The following ACSS1 variants were observed in gnomAD, a reference collection of about 807,000 sequenced individuals.
ACSS1 encodes the protein acetyl-coenzyme A synthetase 2-like, mitochondrial.
ACSS1 carries 42 observed loss-of-function variants against 75.3 expected under a neutral mutation model. The observed-to-expected ratio is 0.56, with a 90% CI of 0.44 to 0.72. The LOEUF (loss-of-function observed/expected upper bound fraction) is 0.72. ACSS1 is among the 30% of genes least tolerant of loss of function. ACSS1 has a pLI of 0.00. For synonymous variants in ACSS1, 380 were observed against 376.8 expected (o/e 1.01, Z -0.10); for missense variants, 782 against 935.7 (o/e 0.84, Z 2.14).
intron 12 of ACSS1, 73 bp from the exon 13 acceptor site, chr20:25,009,461 GCA>G: frequency 8.3e-7 from 1 of 1,210,274 alleles, no homozygotes; most frequent in South Asian, 1.3e-5. Flanking sequence ...AGGGTGCTAT[GCA>G]CAGACTGCCA....
intron 2 of ACSS1, among the ~76,000 whole-genome samples, chr20:25,036,963 A>AAAG (rs1555853734): frequency 1.4e-5 from 2 of 146,372 alleles, no homozygotes; most frequent in African/African-American, 5.3e-5. Flanking sequence ...AAAAAAAAAA[A>AAAG]AAGAAGAAGA....
intron 2 of ACSS1, among the ~76,000 whole-genome samples, chr20:25,047,050 T>C (rs1317618427): frequency 1.3e-5 from 2 of 152,172 alleles, no homozygotes; most frequent in Non-Finnish European, 2.9e-5. Flanking sequence ...TCCACTAGCA[T>C]CACTCGTCTG....
intron 6 of ACSS1, 124 bp from the exon 7 acceptor site, chr20:25,020,271 G>C: frequency 7.3e-7 from 1 of 1,378,012 alleles, no homozygotes. Flanking sequence ...ATATGAAAGG[G>C]ATCCCCCCAA....
In ACSS1 at chr20:25,013,643, C is replaced by T; in HGVS notation, c.1472G>A (p.Ser491Asn). The part of the protein sequence containing the change: ...MDEKGSVVEG[S>N]NVSGALCISQ... ...GATGCACAGGGCCCCGGAGACGTTG[C>T]TGCCCTCCACGACGCTGCCCTGTAG... Residue 491 changes from serine to asparagine, a missense_variant, in exon 10 of 14, where the codon AGC (serine) becomes AAC (asparagine). By Grantham distance (46) the Ser-to-Asn change is conservative. Transcript: ENST00000323482. 1 of 1,604,388 alleles carries T rather than the reference C, an allele frequency of 6.2e-7. No homozygotes were observed. The highest frequency in any genetic ancestry group is 8.5e-7 in the Non-Finnish European group (1 of 1,175,304).
intron 1 of ACSS1, among the ~76,000 whole-genome samples, chr20:25,056,732 A>G (rs1423254159): frequency 6.6e-6 from 1 of 152,130 alleles, no homozygotes; most frequent in Non-Finnish European, 1.5e-5. Context: ...ACCCTGCCAT[A>G]AAGACCCGCA....
At chr20:25,051,205 T>C (rs970594793) in intron 1 of ACSS1, among the ~76,000 whole-genome samples, 1 of 152,206 alleles carries the variant, frequency 6.6e-6, no homozygotes, top group Admixed American at 6.5e-5. Context: ...TCCCAGACCC[T>C]GCGCATCCCC....
chr20:25,020,025 G>C lies in ACSS1; in HGVS notation c.1231C>G (p.Arg411Gly). Reference sequence around the variant, plus strand: ...GGCCGCTCACCTGACCCCAGGGTCCGCAGGGAGGAGCGATCATACTTCTTC... The same window carrying C: ...GGCCGCTCACCTGACCCCAGGGTCCCCAGGGAGGAGCGATCATACTTCTTC... ...WVKKYDRSSL[R>G]TLGSVGEPIN... The change falls in exon 7 of 14, where the codon CGG (arginine) becomes GGG (glycine). Residue 411 changes from arginine to glycine, a missense_variant. By Grantham distance (125) the Arg-to-Gly change is moderately radical. Around this residue, in one of 2 missense-constraint regions of ACSS1, gnomAD observed 405 missense variants for 552.6 expected, o/e 0.73. Coordinates refer to ENST00000323482, the MANE Select transcript of ACSS1 (RefSeq NM_032501.4). The C allele has an allele frequency of 6.2e-7, 1 of 1,614,218 alleles. No homozygotes were observed. The highest frequency in any genetic ancestry group is 8.5e-7 in the Non-Finnish European group (1 of 1,180,038).
At position 25,048,164 on chromosome 20, in the gene ACSS1, G is replaced by A. The variant is rs1600348806; in HGVS notation, c.352C>T (p.His118Tyr). Residue 118 changes from histidine (H) to tyrosine (Y), a missense_variant, in exon 2 of 14, where the codon CAT becomes TAT. His to Tyr is a moderately conservative substitution (Grantham distance 83). Around this residue, in one of 2 missense-constraint regions of ACSS1, gnomAD observed 377 missense variants for 383.1 expected, o/e 0.98. Coordinates refer to ENST00000323482, the MANE Select transcript of ACSS1 (RefSeq NM_032501.4). ...ACGCTCTCGGGGGACTTCCGAACAT[G>A]CTGGTCCAAGCAGTTGACTGTACAA... is the stretch of plus-strand genomic sequence containing the variant. ...LNVSVNCLDQ[H>Y]VRKSPESVAL... 4 of 1,613,324 alleles carry A rather than the reference G, an allele frequency of 2.5e-6. No individual in the cohort carries two copies. Among genetic ancestry groups the A allele is most frequent in the Non-Finnish European group, 3.4e-6 (4 of 1,179,972 alleles).
At chr20:25,050,782 G>A (rs1465388792) in intron 1 of ACSS1, among the ~76,000 whole-genome samples, 2 of 152,004 alleles carry the variant, frequency 1.3e-5, no homozygotes, top group Admixed American at 1.3e-4. Context: ...CAGCCTCCCA[G>A]CCCAGCAGGA....
rs1390496991 is a variant in ACSS1 at position 25,013,624 on chromosome 20, C to T, written c.1491G>A (p.Leu497=). The stretch of plus-strand genomic sequence containing the variant: ...TGCCCGGCCAGGCCTGGGAGATGCA[C>T]AGGGCCCCGGAGACGTTGCTGCCCT... ...VVEGSNVSGA[L]CISQAWPGMA... is the part of the protein sequence containing the mutation. Residue 497 remains leucine, a synonymous_variant, in exon 10 of 14, where the codon CTG becomes CTA. Coordinates refer to ENST00000323482, the MANE Select transcript of ACSS1 (RefSeq NM_032501.4). 6 of 1,609,256 alleles carry T rather than the reference C, an allele frequency of 3.7e-6. No homozygotes were observed. Among genetic ancestry groups the T allele is most frequent in the Non-Finnish European group, 5.1e-6 (6 of 1,177,674 alleles).
chr20:25,037,666 T>C (rs2088935648), intron 2 of ACSS1, among the ~76,000 whole-genome samples: 1 of 152,180 alleles, frequency 6.6e-6, no homozygotes, highest in Non-Finnish European at 1.5e-5. Context: ...CAGCATGCTG[T>C]GTCAGGAACA....
intron 5 of ACSS1, 33 bp from the exon 6 acceptor site, chr20:25,021,569 GT>G: frequency 6.2e-7 from 1 of 1,606,904 alleles, no homozygotes; most frequent in Non-Finnish European, 8.5e-7. Context: ...TCAGGAGCTT[GT>G]CCCCCCACTC....
At chr20:25,036,997 GAA>G (rs2088921087) in intron 2 of ACSS1, among the ~76,000 whole-genome samples, 1 of 115,802 alleles carries the variant, frequency 8.6e-6, no homozygotes, top group East Asian at 3.5e-4. Context: ...AAGAAAGAAA[GAA>G]GAAAGAAAGG....
intron 3 of ACSS1, among the ~76,000 whole-genome samples, chr20:25,029,960 G>A (rs1568839271): frequency 6.6e-6 from 1 of 152,220 alleles, no homozygotes; most frequent in East Asian, 1.9e-4. Flanking sequence ...GAGTTCTAGA[G>A]AGAGGAAGAA....
At chr20:25,018,958 T>C (rs2088569054) in intron 7 of ACSS1, among the ~76,000 whole-genome samples, 1 of 152,188 alleles carries the variant, frequency 6.6e-6, no homozygotes, top group South Asian at 2.1e-4. Context: ...CCATCTCACA[T>C]TTGGGAACAA....
At chr20:25,035,335 T>C (rs1459711583) in intron 2 of ACSS1, among the ~76,000 whole-genome samples, 2 of 152,182 alleles carry the variant, frequency 1.3e-5, no homozygotes, top group Non-Finnish European at 2.9e-5. Flanking sequence ...GGAAATGTTT[T>C]GTGTTTTTTT....
At chr20:25,035,905 C>T (rs983191200) in intron 2 of ACSS1, among the ~76,000 whole-genome samples, 4 of 152,192 alleles carry the variant, frequency 2.6e-5, no homozygotes, top group Admixed American at 2.6e-4. Context: ...CATAATTTCT[C>T]AGACTTCCAC....
chr20:25,007,071 C>T lies in ACSS1; in HGVS notation c.*691G>A. On this transcript the variant is annotated 3_prime_UTR_variant, in exon 14 of 14. Transcript: ENST00000323482. ...TAGGAGTTAGCTCCATTATACACAA[C>T]CAAGCACAGGAGAAACACTCACCAG... 1 of 1,447,064 alleles carries T rather than the reference C, an allele frequency of 6.9e-7. No homozygotes were observed. Among genetic ancestry groups the T allele is most frequent in the Non-Finnish European group, 9.1e-7 (1 of 1,103,666 alleles). 89.6% of individuals were successfully genotyped at this position (1,447,064 alleles called of 1,614,324 possible).
chr20:25,020,024 C>T lies in ACSS1; in HGVS notation c.1232G>A (p.Arg411Gln), dbSNP rs944716280. The T allele has an allele frequency of 2.0e-5, 32 of 1,614,156 alleles. No homozygotes were observed. Among genetic ancestry groups the T allele is most frequent in the Non-Finnish European group, 2.5e-5 (30 of 1,180,028 alleles). Residue 411 changes from arginine to glutamine, a missense_variant, in exon 7 of 14, where the codon CGG becomes CAG. Physicochemically the swap from Arg to Gln is conservative, Grantham distance 43 (BLOSUM62 1). Transcript: ENST00000323482. ...AGGCCGCTCACCTGACCCCAGGGTCCGCAGGGAGGAGCGATCATACTTCTT... is the reference window on the plus strand; with the variant it reads ...AGGCCGCTCACCTGACCCCAGGGTCTGCAGGGAGGAGCGATCATACTTCTT... The part of the protein sequence containing the change: ...WVKKYDRSSL[R>Q]TLGSVGEPIN...
Sources: gnomAD v4.1 joint callset for allele counts (sites outside exome capture counted in the v4.1 genomes callset) on GRCh38, gnomAD v4.1.1 for gene constraint, gnomAD v4.1.1 regional missense constraint, MANE v1.5 for transcripts, NCBI Gene and HGNC (gene_info 2026-07-23, HGNC 2026-07-21) for gene names.